GNE: variants seen among roughly 807,000 people sequenced by gnomAD.
GNE encodes the protein bifunctional UDP-N-acetylglucosamine 2-epimerase/N-acetylmannosamine kinase.
Under a neutral mutation model 61.8 loss-of-function variants are expected in GNE, and 41 were observed. The ratio of observed to expected loss-of-function variants is 0.66; its 90% CI spans 0.52 to 0.86. GNE has a LOEUF of 0.86. Ranked by LOEUF, GNE falls within the 40% of genes least tolerant of loss-of-function variation. The pLI, the probability that GNE is intolerant of heterozygous loss-of-function variation, is 0.00. For synonymous variants in GNE, 264 were observed against 326.4 expected, an observed-to-expected ratio of 0.81 and a Z score of 2.06; for missense variants, 608 against 909.1, an observed-to-expected ratio of 0.67 and a Z score of 4.26.
rs543359621 is a variant in GNE, at chr9:36,219,492, G to A, written c.1816+346C>T. Among the ~76,000 whole-genome samples, 9 of 152,284 alleles carry A rather than the reference G, an allele frequency of 5.9e-5. No homozygotes were observed. The East Asian group carries it at 1.7e-3, about 29-fold the overall frequency. On this transcript the variant is annotated intron_variant, in intron 10 of 11. Coordinates refer to ENST00000642385, the MANE Select transcript of GNE (RefSeq NM_005476.7). ...CAGATATACTACACATACAGTGCATGTATGTGTGATATATACATAACATGT... is the reference window on the plus strand; with the variant it reads ...CAGATATACTACACATACAGTGCATATATGTGTGATATATACATAACATGT...
chr9:36,267,729 ATG>A (rs1830861732), intron 1 of GNE: 2 of 152,086 alleles, frequency 1.3e-5, no homozygotes, highest in South Asian at 4.2e-4. Context: ...ATATATATAT[ATG>A]AACATTACAT....
rs1828394183 is a variant in GNE, at chr9:36,217,683, A to G, written c.1934-83T>C. The G allele has an allele frequency of 4.8e-6, 4 of 838,808 alleles. No individual in the cohort carries two copies. In the Admixed American group the frequency reaches 6.0e-5, roughly 12 times the overall value. 52.0% of individuals were successfully genotyped at this position (838,808 alleles called of 1,614,324 possible). A position where few individuals can be genotyped will look rare whatever the true frequency, so the allele number is the denominator to read the frequency against. On this transcript the variant is annotated intron_variant, in intron 11 of 11. Transcript: ENST00000642385. Reference sequence around the variant, plus strand: ...AAGAGGAAGGCAGAAAAGAGCCAGCAGCAGAAATGTTAAAGAACATCCACG... The same window carrying G: ...AAGAGGAAGGCAGAAAAGAGCCAGCGGCAGAAATGTTAAAGAACATCCACG...
At chr9:36,237,859 G>A (rs898667152) in intron 3 of GNE, among the ~76,000 whole-genome samples, 48 of 150,658 alleles carry the variant, frequency 3.2e-4, no homozygotes, top group African/African-American at 1.2e-3. Flanking sequence ...ATCATTCTTA[G>A]GCCTTTGCAT....
chr9:36,270,808 C>T (rs942492995), intron 1 of GNE, among the ~76,000 whole-genome samples: 5 of 152,128 alleles, frequency 3.3e-5, no homozygotes, highest in Non-Finnish European at 7.4e-5. Flanking sequence ...TGAGCCACCA[C>T]GCCCGGCCTG....
At chr9:36,239,591 G>T (rs1003475066) in intron 3 of GNE, among the ~76,000 whole-genome samples, 1 of 151,870 alleles carries the variant, frequency 6.6e-6, no homozygotes, top group Non-Finnish European at 1.5e-5. Context: ...TCCTGCCTCG[G>T]CCTCCCAAGT....
At chr9:36,274,848 G>GCC (rs1831200717) in intron 1 of GNE, among the ~76,000 whole-genome samples, 1 of 151,316 alleles carries the variant, frequency 6.6e-6, no homozygotes, top group Non-Finnish European at 1.5e-5. Context: ...TCAGCCTCCC[G>GCC]CGTAGCTGGG....
chr9:36,233,205 A>G (rs1269157631), intron 5 of GNE, among the ~76,000 whole-genome samples: 1 of 152,248 alleles, frequency 6.6e-6, no homozygotes, highest in Non-Finnish European at 1.5e-5. Flanking sequence ...ATTCATTAAT[A>G]ATAATCCTAC....
intron 1 of GNE, among the ~76,000 whole-genome samples, chr9:36,266,872 C>A (rs1419358812): frequency 1.3e-5 from 2 of 151,588 alleles, no homozygotes; most frequent in Admixed American, 6.6e-5. Flanking sequence ...TGGCGCCAGC[C>A]TGGGTGACAA....
intron 1 of GNE, among the ~76,000 whole-genome samples, chr9:36,256,771 C>T (rs908431298): frequency 2.0e-5 from 3 of 152,174 alleles, no homozygotes; most frequent in African/African-American, 7.2e-5. Context: ...ATTTGCTGAG[C>T]GCTTCTGAAG....
intron 6 of GNE, 73 bp downstream of exon 6, chr9:36,228,948 G>C (rs751365609): frequency 4.5e-6 from 4 of 890,048 alleles, no homozygotes; most frequent in Non-Finnish European, 7.7e-6. Flanking sequence ...ATTAAACAGT[G>C]ATTGTAGCTT....
Position 36,218,141 on chromosome 9 carries a change from G to A in GNE, c.1933+42C>T. 5 of 1,354,616 alleles carry A rather than the reference G, an allele frequency of 3.7e-6. No individual in the cohort carries two copies. In the South Asian group the frequency reaches 5.8e-5, roughly 16 times the overall value. 83.9% of individuals were successfully genotyped at this position (1,354,616 alleles called of 1,614,324 possible). Reference sequence around the variant, plus strand: ...CCGGGCTGGGCCATATGATATCTGAGGCCACCCCCTGCAGCACAGCCACCT... The same window carrying A: ...CCGGGCTGGGCCATATGATATCTGAAGCCACCCCCTGCAGCACAGCCACCT... On this transcript the variant is annotated intron_variant, in intron 11 of 11. Coordinates refer to ENST00000642385, the MANE Select transcript of GNE (RefSeq NM_005476.7). This position sits in a 1 kb window ranked among gnomAD's most constrained non-coding sequence, Gnocchi z 4.1.
chr9:36,253,768 T>A (rs1830215071), intron 1 of GNE, among the ~76,000 whole-genome samples: 1 of 152,014 alleles, frequency 6.6e-6, no homozygotes. Context: ...CTGGGCACAG[T>A]GGCTCATGCC....
At chr9:36,242,034 G>T (rs1047953091) in intron 3 of GNE, among the ~76,000 whole-genome samples, 1 of 152,100 alleles carries the variant, frequency 6.6e-6, no homozygotes, top group African/African-American at 2.4e-5. Context: ...TACTCAGGAG[G>T]CTGAGGCAGG....
At chr9:36,222,175 T>C (rs954359237) in intron 9 of GNE, among the ~76,000 whole-genome samples, 10 of 151,948 alleles carry the variant, frequency 6.6e-5, no homozygotes, top group Non-Finnish European at 1.3e-4. Context: ...TCCCAGCACT[T>C]TGGGAGGCCG....
chr9:36,218,144 C>G lies in GNE; in HGVS notation c.1933+39G>C. ...GGCTGGGCCATATGATATCTGAGGC[C>G]ACCCCCTGCAGCACAGCCACCTGCA... is the stretch of plus-strand genomic sequence containing the variant. On this transcript the variant is annotated intron_variant, in intron 11 of 11. Coordinates refer to ENST00000642385, the MANE Select transcript of GNE (RefSeq NM_005476.7). The surrounding 1 kb of genome is among the most constrained non-coding windows in gnomAD (Gnocchi z 4.1). The G allele has an allele frequency of 7.2e-7, 1 of 1,384,042 alleles. No homozygotes were observed. The highest frequency in any genetic ancestry group is 1.0e-6 in the Non-Finnish European group (1 of 969,898). The allele number at this position is 1,384,042 out of a possible 1,614,324, so 85.7% of individuals were successfully genotyped here. A position where few individuals can be genotyped will look rare whatever the true frequency, so the allele number is the denominator to read the frequency against.
intron 7 of GNE, among the ~76,000 whole-genome samples, chr9:36,225,754 A>G (rs919251582): frequency 6.6e-6 from 1 of 152,178 alleles, no homozygotes; most frequent in African/African-American, 2.4e-5. Context: ...CCAGTCTGGG[A>G]AACATAGGAA....
At chr9:36,232,268 A>T (rs1829190391) in intron 5 of GNE, among the ~76,000 whole-genome samples, 1 of 151,940 alleles carries the variant, frequency 6.6e-6, no homozygotes, top group Non-Finnish European at 1.5e-5. Context: ...CAAAGCCACT[A>T]TCATCTCTCA....
upstream of GNE, among the ~76,000 whole-genome samples, chr9:36,262,977 G>T (rs546112921): frequency 2.6e-5 from 4 of 152,052 alleles, no homozygotes; most frequent in Admixed American, 2.6e-4. Context: ...TGTAAATTCT[G>T]TATATACCCC....
In GNE at chr9:36,226,058, CTTTCT is replaced by C. The variant is rs1828849593; in HGVS notation, c.1281+1185_1281+1189del. On this transcript the variant is annotated intron_variant, in intron 7 of 11. Transcript: ENST00000642385. ...TGTGAGATAATGCTGCACAAAACAT[CTTTCT>C]TTTCTTCTTGATTTCAATGGGAATG... is the stretch of plus-strand genomic sequence containing the variant. Among the ~76,000 whole-genome samples the C allele has an allele frequency of 2.0e-5, 3 of 152,168 alleles. No individual in the cohort carries two copies. The South Asian group carries it at 6.2e-4, about 31-fold the overall frequency.
Sources: allele counts gnomAD v4.1 joint callset (sites outside exome capture counted in the v4.1 genomes callset), GRCh38; gene constraint gnomAD v4.1.1; non-coding constraint Gnocchi (gnomAD v3.1); transcripts MANE v1.5; gene names NCBI Gene and HGNC (gene_info 2026-07-23, HGNC 2026-07-21).